Variants in KIRREL2 observed in about 807,000 individuals in gnomAD.
The protein encoded by KIRREL2 is kin of IRRE-like protein 2.
A neutral mutation model predicts 73.4 loss-of-function variants in KIRREL2; 56 were observed. That is an observed-to-expected ratio of 0.76 (90% CI 0.62 to 0.95). The LOEUF (loss-of-function observed/expected upper bound fraction) is 0.95. KIRREL2 is among the 40% of genes least tolerant of loss of function. KIRREL2 has a pLI of 0.00. For missense variants in KIRREL2, 896 were observed against 935.0 expected (o/e 0.96, Z 0.54); for synonymous variants, 407 against 404.0 (o/e 1.01, Z -0.09).
rs983253446 is a variant in KIRREL2, at chr19:35,866,904, C to T, written c.*412C>T. 1.3e-5 allele frequency: 3 copies of T among 226,010 alleles called. No individual in the cohort carries two copies. The highest frequency in any genetic ancestry group is 6.2e-5 in the Admixed American group (1 of 16,208). The allele number at this position is 226,010 out of a possible 1,614,324, so 14.0% of individuals were successfully genotyped here. On this transcript the variant is annotated 3_prime_UTR_variant, in exon 15 of 15. Coordinates refer to ENST00000360202, the MANE Select transcript of KIRREL2 (RefSeq NM_199180.4). ...AGATGAAGATGAAGAGCATACCAGG[C>T]CCCACCCTGGCTCTCCCTGAGGGGA...
At chr19:35,862,806 G>T in intron 12 of KIRREL2, 121 bp from the exon 13 acceptor site, 1 of 711,544 alleles carries the variant, frequency 1.4e-6, no homozygotes, top group Non-Finnish European at 2.4e-6. Context: ...GATTCTTATT[G>T]GTTTCCAACA....
At chr19:35,862,840 G>GT in intron 12 of KIRREL2, 87 bp from the exon 13 acceptor site, 2 of 828,728 alleles carry the variant, frequency 2.4e-6, no homozygotes, top group Non-Finnish European at 4.0e-6. Flanking sequence ...AGCCTCATTG[G>GT]TTCCCAGTCC....
At chr19:35,854,185 T>C (rs914389110), upstream of KIRREL2, among the ~76,000 whole-genome samples, 30 of 152,012 alleles carry the variant, frequency 2.0e-4, no homozygotes, top group African/African-American at 7.0e-4. Context: ...AGAGACAGAG[T>C]CTTGCTATAT....
At chr19:35,855,650 T>A (rs1245407390), upstream of KIRREL2, among the ~76,000 whole-genome samples, 1 of 55,632 alleles carries the variant, frequency 1.8e-5, no homozygotes, top group African/African-American at 6.7e-5. Flanking sequence ...CCCCCGCACC[T>A]CCCCATACAC....
At position 35,858,694 on chromosome 19, in the gene KIRREL2, C is replaced by T; in HGVS notation, c.362-10C>T. 2 of 1,613,620 alleles carry T rather than the reference C, an allele frequency of 1.2e-6. No homozygotes were observed. The highest frequency in any genetic ancestry group is 1.7e-6 in the Non-Finnish European group (2 of 1,179,782). On this transcript the variant is annotated splice_polypyrimidine_tract_variant and intron_variant, in intron 3 of 14. Coordinates refer to ENST00000360202, the MANE Select transcript of KIRREL2 (RefSeq NM_199180.4). ...CAGGATCCATCTCTGACCCCAAATC[C>T]ACCTTGCAGTCCCCCCAGAAGCCCC...
At position 35,858,470 on chromosome 19, in the gene KIRREL2, C is replaced by A; in HGVS notation, c.274C>A (p.Pro92Thr). ...ANGQHDLHIR[P>T]VELEDEASYE... ...TGGCCAGCATGACCTCCACATTAGG[C>A]CCGTGGAGCTAGAGGATGAAGCATC... Residue 92 changes from proline to threonine, a missense_variant, in exon 3 of 15, where the codon CCC becomes ACC. Coordinates refer to ENST00000360202, the MANE Select transcript of KIRREL2 (RefSeq NM_199180.4). 6.2e-7 allele frequency: 1 copy of A among 1,614,124 alleles called. No individual in the cohort carries two copies. Among genetic ancestry groups the A allele is most frequent in the African/African-American group, 1.3e-5 (1 of 75,030 alleles).
In KIRREL2 at chr19:35,861,836, CG is replaced by C; in HGVS notation, c.1326del (p.Ser443ArgfsTer23). Reference protein sequence around the residue: ...VWSWDEGFLEAGSQGRFLVET... With the variant: ...VWSWDEGFLEXGSQGRFLVET... ...TCTTGGGATGAGGGCTTCCTGGAGGCGGGGTCGCAGGGCCGGTTCCTGGTGG... is the reference window on the plus strand; with the variant it reads ...TCTTGGGATGAGGGCTTCCTGGAGGCGGGTCGCAGGGCCGGTTCCTGGTGG... On this transcript the variant is annotated frameshift_variant, in exon 11 of 15. Transcript: ENST00000360202. LOFTEE classifies it high-confidence loss of function. 6.3e-7 allele frequency: 1 copy of C among 1,587,100 alleles called. No individual in the cohort carries two copies. Among genetic ancestry groups the C allele is most frequent in the Non-Finnish European group, 8.6e-7 (1 of 1,166,552 alleles).
At chr19:35,866,021 GTC>G in intron 14 of KIRREL2, 134 bp from the exon 15 acceptor site, 1 of 775,202 alleles carries the variant, frequency 1.3e-6, no homozygotes, top group Non-Finnish European at 2.1e-6. Flanking sequence ...GTCCATGTGT[GTC>G]TCTGTGTCTC....
chr19:35,858,243 G>A (rs1973513937), intron 2 of KIRREL2, among the ~76,000 whole-genome samples, 165 bp from the exon 3 acceptor site: 1 of 152,172 alleles, frequency 6.6e-6, no homozygotes, highest in African/African-American at 2.4e-5. Flanking sequence ...AGTGACTCTG[G>A]GTTGGGAGGG....
At chr19:35,862,884 T>C (rs376488678) in intron 12 of KIRREL2, 43 bp from the exon 13 acceptor site, 1 of 1,218,458 alleles carries the variant, frequency 8.2e-7, no homozygotes, top group African/African-American at 1.5e-5. Flanking sequence ...GCACACATTG[T>C]GACCCCGCCC....
At chr19:35,854,946 C>T (rs1164426855), upstream of KIRREL2, among the ~76,000 whole-genome samples, 2 of 152,138 alleles carry the variant, frequency 1.3e-5, no homozygotes, top group African/African-American at 2.4e-5. Flanking sequence ...GCCCTCCCCG[C>T]GTGCACATAC....
rs199639168 is a variant in KIRREL2 at position 35,862,504 on chromosome 19, A to C, written c.1522A>C (p.Thr508Pro). 38 of 1,609,644 alleles carry C rather than the reference A, an allele frequency of 2.4e-5. No homozygotes were observed. In the East Asian group the frequency reaches 3.6e-4, roughly 15 times the overall value. The change falls in exon 12 of 15, where the codon ACT (threonine) becomes CCT (proline). Residue 508 changes from threonine (T) to proline (P), a missense_variant. Thr to Pro is a conservative substitution (Grantham distance 38). Coordinates refer to ENST00000360202, the MANE Select transcript of KIRREL2 (RefSeq NM_199180.4). Reference protein sequence around the residue: ...ASLGRRDLLPTVRIVAGVAAA... With the variant: ...ASLGRRDLLPPVRIVAGVAAA... ...TCTGCTCCCTGCAGACTTGCTGCCC[A>C]CTGTGCGGATAGTGGCCGGAGTGGC...
At chr19:35,863,521 C>T (rs1199844185) in intron 13 of KIRREL2, among the ~76,000 whole-genome samples, 3 of 149,794 alleles carry the variant, frequency 2.0e-5, no homozygotes, top group Non-Finnish European at 3.0e-5. Flanking sequence ...GCTGCGATCT[C>T]GGCTCACTGC....
chr19:35,864,863 G>T, intron 14 of KIRREL2, 150 bp downstream of exon 14: 1 of 627,376 alleles, frequency 1.6e-6, no homozygotes, highest in Non-Finnish European at 2.8e-6. Context: ...CACTCCTCCT[G>T]CCCCCTGGGC....
rs769546111 is a variant in KIRREL2 at position 35,866,503 on chromosome 19, A to G, written c.*11A>G. 4.3e-6 allele frequency: 7 copies of G among 1,613,234 alleles called. No homozygotes were observed. The Admixed American group carries it at 6.7e-5, about 15-fold the overall frequency. On this transcript the variant is annotated 3_prime_UTR_variant, in exon 15 of 15. Transcript: ENST00000360202. Reference sequence around the variant, plus strand: ...CAGACTCACGTGTGACATCTTTCCAATGGAAGAGTCCTGGGATCTCCAACT... The same window carrying G: ...CAGACTCACGTGTGACATCTTTCCAGTGGAAGAGTCCTGGGATCTCCAACT...
At chr19:35,851,975 C>T, upstream of KIRREL2, 2 of 727,106 alleles carry the variant, frequency 2.8e-6, no homozygotes, top group South Asian at 3.2e-5. Context: ...TCCTCCCTTT[C>T]TCGTTTTCCT....
In KIRREL2 at chr19:35,861,547, C is replaced by A. The variant is rs143998191; in HGVS notation, c.1196C>A (p.Pro399Gln). 74 of 1,613,792 alleles carry A rather than the reference C, an allele frequency of 4.6e-5. No homozygotes were observed. The Middle Eastern group carries it at 1.2e-3, about 25-fold the overall frequency. Residue 399 changes from proline (P) to glutamine (Q), a missense_variant, in exon 10 of 15, where the codon CCA (proline) becomes CAA (glutamine). Pro to Gln is a moderately conservative substitution (Grantham distance 76). Transcript: ENST00000360202. The part of the protein sequence containing the change: ...AEARLTVNAP[P>Q]VVTALHSAPA... ...CCTACAGTCTCCATCCCAGCTCCCC[C>A]AGTAGTGACCGCCCTGCACTCTGCG...
At chr19:35,856,766 G>A (rs1190620665), upstream of KIRREL2, 1 of 412,610 alleles carries the variant, frequency 2.4e-6, no homozygotes. The surrounding 1 kb of genome is among the most constrained non-coding windows in gnomAD (Gnocchi z 5.9). Context: ...TTGAGCTGGG[G>A]GCGCCCACCC....
chr19:35,855,060 G>A (rs1214325497), upstream of KIRREL2, among the ~76,000 whole-genome samples: 1 of 152,088 alleles, frequency 6.6e-6, no homozygotes, highest in Admixed American at 6.6e-5. Context: ...TCGTTCCCAG[G>A]AACAAGATGA....
Sources: allele counts gnomAD v4.1 joint callset (sites outside exome capture counted in the v4.1 genomes callset), GRCh38; gene constraint gnomAD v4.1.1; non-coding constraint Gnocchi (gnomAD v3.1); transcripts MANE v1.5; gene names NCBI Gene and HGNC (gene_info 2026-07-23, HGNC 2026-07-21).